ERICH1: variants seen among roughly 807,000 people sequenced by gnomAD.
ERICH1 encodes glutamate rich 1, also known as glutamate-rich protein 1.
ERICH1 carries 56 observed loss-of-function variants against 39.6 expected under a neutral mutation model. That is an observed-to-expected ratio of 1.41 (90% CI 1.14 to 1.77). The LOEUF (loss-of-function observed/expected upper bound fraction) is 1.77. Among genes scored for constraint, ERICH1 ranks in the 40% most tolerant of loss-of-function variants. ERICH1 has a pLI of 0.00. For synonymous variants in ERICH1, 313 were observed against 223.6 expected (o/e 1.40, Z -3.57); for missense variants, 826 against 575.4 (o/e 1.44, Z -4.45).
chr8:639,499 G>A (rs1798737146), intron 3 of ERICH1, among the ~76,000 whole-genome samples: 5 of 152,182 alleles, frequency 3.3e-5, no homozygotes, highest in South Asian at 4.1e-4. Context: ...ATATCAAAGA[G>A]CCGGTCTGTC....
In ERICH1 at chr8:648,287, C is replaced by T. The variant is rs1486664843; in HGVS notation, c.976+20311G>A. 7.9e-5 allele frequency among the ~76,000 whole-genome samples: 5 copies of T among 63,452 alleles called. 2 individuals are homozygous for T. In the East Asian group the frequency reaches 1.6e-3, roughly 20 times the overall value. The allele number at this position is 63,452 out of a possible 152,430, so 41.6% of individuals were successfully genotyped here. ...TTACGGATGAACCAGTCTCGGGTAT[C>T]GTGACAGCAGCCCAAGATGGACCCA... On this transcript the variant is annotated intron_variant, in intron 3 of 3. Transcript: ENST00000522706.
intron 3 of ERICH1, among the ~76,000 whole-genome samples, chr8:617,275 A>G (rs1442738414): frequency 6.6e-6 from 1 of 152,100 alleles, no homozygotes; most frequent in East Asian, 1.9e-4. Context: ...CTAAGTCAGA[A>G]TGTTCCTGGT....
intron 3 of ERICH1, among the ~76,000 whole-genome samples, chr8:631,563 T>C (rs1379074600): frequency 4.6e-5 from 7 of 152,168 alleles, no homozygotes; most frequent in Admixed American, 4.6e-4. Context: ...CCTGAGAATT[T>C]CGGTCTCTCC....
chr8:729,973 G>A (rs1344547488), intron 1 of ERICH1, among the ~76,000 whole-genome samples: 1 of 152,130 alleles, frequency 6.6e-6, no homozygotes, highest in Non-Finnish European at 1.5e-5. Context: ...GCAGTAGCAA[G>A]AAGCCCCCCA....
In ERICH1 at chr8:645,153, G is replaced by A. The variant is rs1406280461; in HGVS notation, c.976+23445C>T. 2.9e-5 allele frequency among the ~76,000 whole-genome samples: 2 copies of A among 68,532 alleles called. 1 individual carries two copies. Among genetic ancestry groups the A allele is most frequent in the Admixed American group, 2.5e-4 (2 of 7,946 alleles). The allele number at this position is 68,532 out of a possible 152,430, so 45.0% of individuals were successfully genotyped here. A position where few individuals can be genotyped will look rare whatever the true frequency, so the allele number is the denominator to read the frequency against. The stretch of plus-strand genomic sequence containing the variant: ...CCCCGGTTGAGGGGGAGGTGGGTGC[G>A]GCTCTCTGCAGGGAAGACCCCTTTC... On this transcript the variant is annotated intron_variant, in intron 3 of 3. Coordinates refer to the ERICH1 transcript ENST00000522706.
At chr8:658,798 A>G (rs1480555518) in intron 3 of ERICH1, among the ~76,000 whole-genome samples, 1 of 152,214 alleles carries the variant, frequency 6.6e-6, no homozygotes, top group African/African-American at 2.4e-5. Context: ...CTCCACCTGC[A>G]GGACATGAGG....
chr8:673,575 T>A lies in ERICH1; in HGVS notation c.777A>T (p.Thr259=). The A allele has an allele frequency of 1.3e-6, 2 of 1,551,294 alleles. No individual in the cohort carries two copies. Among genetic ancestry groups the A allele is most frequent in the African/African-American group, 2.7e-5 (2 of 74,314 alleles). ...CTTTAACGTCTTCCTCCCCGGCCGGTGTCGGATCTTCCTCACTGGCGTCCG... is the reference window on the plus strand; with the variant it reads ...CTTTAACGTCTTCCTCCCCGGCCGGAGTCGGATCTTCCTCACTGGCGTCCG... ...EGADASEEDP[T]PAGEEDVKDA... The change falls in exon 4 of 6, where the codon ACA becomes ACT. Residue 259 remains threonine (T), a synonymous_variant. Coordinates refer to ENST00000262109, the MANE Select transcript of ERICH1 (RefSeq NM_207332.3).
At chr8:651,644 A>G (rs1039980254) in intron 3 of ERICH1, among the ~76,000 whole-genome samples, 1 of 149,248 alleles carries the variant, frequency 6.7e-6, no homozygotes, top group African/African-American at 2.5e-5. Context: ...GGGCAGGGAC[A>G]GGAGAGGCAG....
chr8:692,496 T>C lies in ERICH1; in HGVS notation c.286A>G (p.Ser96Gly). Residue 96 changes from serine (S) to glycine (G), a missense_variant, in exon 3 of 6, where the codon AGC becomes GGC. By Grantham distance (56) the Ser-to-Gly change is moderately conservative (BLOSUM62 0). Coordinates refer to ENST00000262109, the MANE Select transcript of ERICH1 (RefSeq NM_207332.3). ...SSCGSPENAS[S>G]GDDTEDQDPH... ...ATTTTACCTTCTGTGTCATCCCCGC[T>C]GGAGGCGTTCTCGGGGCTCCCACAG... 2 of 1,614,128 alleles carry C rather than the reference T, an allele frequency of 1.2e-6. No homozygotes were observed. The highest frequency in any genetic ancestry group is 1.7e-6 in the Non-Finnish European group (2 of 1,179,992).
intron 1 of ERICH1, among the ~76,000 whole-genome samples, chr8:718,581 G>T (rs929858403): frequency 2.6e-5 from 4 of 152,228 alleles, no homozygotes; most frequent in African/African-American, 9.6e-5. Flanking sequence ...TGTAAAGTCA[G>T]CTGGCTTTAA....
intron 4 of ERICH1, among the ~76,000 whole-genome samples, chr8:670,110 T>C (rs1049676679): frequency 6.6e-6 from 1 of 152,334 alleles, no homozygotes; most frequent in African/African-American, 2.4e-5. Flanking sequence ...CTTTCACCTG[T>C]CTTCCTGGTC....
At chr8:704,585 G>T (rs972214669) in intron 2 of ERICH1, among the ~76,000 whole-genome samples, 1 of 152,098 alleles carries the variant, frequency 6.6e-6, no homozygotes, top group Non-Finnish European at 1.5e-5. Flanking sequence ...CGGTGTTTAC[G>T]GAGACATAAA....
intron 2 of ERICH1, among the ~76,000 whole-genome samples, chr8:697,407 G>A (rs1411736378): frequency 6.6e-6 from 1 of 152,146 alleles, no homozygotes. Flanking sequence ...GGCAAAACCA[G>A]GGCCCACGAT....
intron 3 of ERICH1, among the ~76,000 whole-genome samples, chr8:635,046 C>G (rs1357991888): frequency 1.3e-5 from 2 of 151,926 alleles, no homozygotes; most frequent in South Asian, 2.1e-4. Context: ...TGGGGGTGTC[C>G]CAGGCTTTGG....
chr8:718,649 C>A (rs1464685330), intron 1 of ERICH1, among the ~76,000 whole-genome samples: 1 of 152,140 alleles, frequency 6.6e-6, no homozygotes, highest in Non-Finnish European at 1.5e-5. Context: ...CAGAGGCCAC[C>A]CTGGGAGTCA....
intron 3 of ERICH1, among the ~76,000 whole-genome samples, chr8:639,952 T>C (rs756783112): frequency 5.3e-5 from 8 of 152,210 alleles, no homozygotes; most frequent in Non-Finnish European, 1.2e-4. Flanking sequence ...CCAGGTAAGA[T>C]TCTCAAGAGA....
chr8:727,822 G>A (rs1208574557), intron 1 of ERICH1, among the ~76,000 whole-genome samples: 1 of 152,206 alleles, frequency 6.6e-6, no homozygotes, highest in African/African-American at 2.4e-5. Flanking sequence ...CACCTTGATG[G>A]GAAACTGCAG....
At chr8:619,917 A>T (rs1797174315) in intron 3 of ERICH1, among the ~76,000 whole-genome samples, 1 of 152,240 alleles carries the variant, frequency 6.6e-6, no homozygotes. Flanking sequence ...TAAACAATAC[A>T]GTAAAAATGT....
In ERICH1 at chr8:681,582, A is replaced by G. The variant is rs557223441; in HGVS notation, c.305-7535T>C. The stretch of plus-strand genomic sequence containing the variant: ...AAGCAGTGCCCTCCACCTAACATAG[A>G]CAGAGGGCCTCTGGAGGTCTTGCCA... On this transcript the variant is annotated intron_variant, in intron 3 of 5. Coordinates refer to ENST00000262109, the MANE Select transcript of ERICH1 (RefSeq NM_207332.3). Among the ~76,000 whole-genome samples the G allele has an allele frequency of 9.1e-4, 139 of 152,224 alleles. 1 individual carries two copies. The highest frequency in any genetic ancestry group is 1.8e-3 in the Non-Finnish European group (123 of 68,044).
Sources: gnomAD v4.1 joint callset for allele counts (sites outside exome capture counted in the v4.1 genomes callset) on GRCh38, gnomAD v4.1.1 for gene constraint, MANE v1.5 for transcripts, NCBI Gene and HGNC (gene_info 2026-07-23, HGNC 2026-07-21) for gene names.